Variants in FRMPD2 observed in about 807,000 individuals in gnomAD.
FRMPD2 encodes FERM and PDZ domain-containing protein 2.
A neutral mutation model predicts 140.1 loss-of-function variants in FRMPD2; 96 were observed. The ratio of observed to expected loss-of-function variants is 0.69; its 90% CI spans 0.58 to 0.81. FRMPD2 has a LOEUF of 0.81. Among genes scored for constraint, FRMPD2 ranks in the 40% least tolerant of loss-of-function variants. The pLI is 0.00. For missense variants in FRMPD2, 1,240 were observed against 1,447.4 expected, an observed-to-expected ratio of 0.86 and a Z score of 2.32; for synonymous variants, 449 against 547.6, an observed-to-expected ratio of 0.82 and a Z score of 2.52.
In FRMPD2 at chr10:48,184,979, T is replaced by C. The variant is rs1838644285; in HGVS notation, c.2360-98A>G. 18 of 775,774 alleles carry C rather than the reference T, an allele frequency of 2.3e-5. No individual in the cohort carries two copies. In the South Asian group the frequency reaches 3.1e-4, roughly 13 times the overall value. 48.1% of individuals were successfully genotyped at this position (775,774 alleles called of 1,614,324 possible). A position where few individuals can be genotyped will look rare whatever the true frequency, so the allele number is the denominator to read the frequency against. On this transcript the variant is annotated intron_variant, in intron 18 of 28. Transcript: ENST00000374201. The stretch of plus-strand genomic sequence containing the variant: ...TCCCTCATATCACACAGCTACCAAG[T>C]GGCATTAGCTGATAGTTACAGTCAG...
Position 48,185,564 on chromosome 10 carries a change from T to C in FRMPD2, c.2348A>G (p.His783Arg), listed in dbSNP as rs1838661633. 1.2e-6 allele frequency: 2 copies of C among 1,613,676 alleles called. No homozygotes were observed. Among genetic ancestry groups the C allele is most frequent in the Non-Finnish European group, 8.5e-7 (1 of 1,179,586 alleles). Residue 783 changes from histidine to arginine, a missense_variant, in exon 18 of 29, where the codon CAT becomes CGT. Transcript: ENST00000374201. The part of the protein sequence containing the change: ...IVRVTLKRDP[H>R]RGFGFVINEG... Reference sequence around the variant, plus strand: ...GGGAGCCCTCTTACCAAAACCACGATGTGGGTCACGTTTCAGTGTCACACG... The same window carrying C: ...GGGAGCCCTCTTACCAAAACCACGACGTGGGTCACGTTTCAGTGTCACACG...
rs868213332 is a variant in FRMPD2 at position 48,221,879 on chromosome 10, T to A, written c.1455+434A>T. Among the ~76,000 whole-genome samples the A allele has an allele frequency of 1.4e-4, 21 of 151,866 alleles. No homozygotes were observed. In the South Asian group the frequency reaches 2.7e-3, roughly 20 times the overall value. ...ATGGATAGGTAGATGGATGGGTGGATGGATGGGTAGATGGGTGGGTGAGTG... is the reference window on the plus strand; with the variant it reads ...ATGGATAGGTAGATGGATGGGTGGAAGGATGGGTAGATGGGTGGGTGAGTG... On this transcript the variant is annotated intron_variant, in intron 12 of 28. Coordinates refer to ENST00000374201, the MANE Select transcript of FRMPD2 (RefSeq NM_001018071.4).
chr10:48,253,758 A>G (rs1038318773), intron 1 of FRMPD2, among the ~76,000 whole-genome samples: 7 of 152,306 alleles, frequency 4.6e-5, no homozygotes, highest in South Asian at 4.2e-4. Flanking sequence ...AATCCACATG[A>G]AGAAATGGGA....
chr10:48,211,727 CCA>C (rs1839327212), intron 13 of FRMPD2, among the ~76,000 whole-genome samples: 1 of 152,080 alleles, frequency 6.6e-6, no homozygotes, highest in Non-Finnish European at 1.5e-5. Context: ...AAAAGCCCTA[CCA>C]CACCCACCCC....
chr10:48,263,684 C>G (rs1306578200), intron 1 of FRMPD2, among the ~76,000 whole-genome samples: 1 of 151,862 alleles, frequency 6.6e-6, no homozygotes, highest in Non-Finnish European at 1.5e-5. Flanking sequence ...AGCACCAGGC[C>G]CAAAGGATTT....
intron 27 of FRMPD2, among the ~76,000 whole-genome samples, chr10:48,167,717 T>C (rs1838133523): frequency 6.6e-6 from 1 of 151,904 alleles, no homozygotes. Flanking sequence ...TAGGCCATGG[T>C]ACACAGATAG....
At chr10:48,267,503 C>A (rs1375497140) in intron 1 of FRMPD2, among the ~76,000 whole-genome samples, 1 of 152,044 alleles carries the variant, frequency 6.6e-6, no homozygotes, top group African/African-American at 2.4e-5. Context: ...TATCAAAGGG[C>A]ATTATCAAGA....
At chr10:48,173,157 A>C in intron 24 of FRMPD2, 64 bp from the exon 25 acceptor site, 2 of 622,294 alleles carry the variant, frequency 3.2e-6, no homozygotes, top group South Asian at 3.3e-5. Context: ...CACTCCCTTG[A>C]CTCTGCAAAT....
chr10:48,247,813 G>T (rs183456953), intron 3 of FRMPD2, among the ~76,000 whole-genome samples: 63 of 152,284 alleles, frequency 4.1e-4, no homozygotes, highest in Non-Finnish European at 7.9e-4. Flanking sequence ...GGAGCCAAGA[G>T]TCCCAAACAG....
intron 2 of FRMPD2, 118 bp downstream of exon 2, chr10:48,251,448 C>A: frequency 7.8e-7 from 1 of 1,275,700 alleles, no homozygotes; most frequent in East Asian, 2.4e-5. Flanking sequence ...GCAGCAGCAA[C>A]CTTGTTCTGT....
At chr10:48,160,262 A>G (rs1290483755) in intron 28 of FRMPD2, among the ~76,000 whole-genome samples, 2 of 151,690 alleles carry the variant, frequency 1.3e-5, no homozygotes, top group Non-Finnish European at 2.9e-5. Flanking sequence ...ATCTCTAGAT[A>G]TAGAGTGTGA....
intron 10 of FRMPD2, among the ~76,000 whole-genome samples, chr10:48,225,032 T>G (rs1839691840): frequency 6.6e-6 from 1 of 152,152 alleles, no homozygotes; most frequent in East Asian, 1.9e-4. Flanking sequence ...GTACAAAGAA[T>G]AATCATACAA....
chr10:48,212,147 A>C, intron 12 of FRMPD2, 38 bp from the exon 13 acceptor site: 1 of 1,605,044 alleles, frequency 6.2e-7, no homozygotes, highest in Non-Finnish European at 8.5e-7. Flanking sequence ...CACAATCCAG[A>C]CACTGGCCGG....
intron 1 of FRMPD2, among the ~76,000 whole-genome samples, chr10:48,260,079 A>C (rs1473644116): frequency 6.6e-6 from 1 of 152,158 alleles, no homozygotes; most frequent in Admixed American, 6.5e-5. Flanking sequence ...GTGTAAAAGG[A>C]CACCAGAAGG....
intron 14 of FRMPD2, 135 bp downstream of exon 14, chr10:48,206,613 G>A (rs1839204620): frequency 1.4e-6 from 1 of 697,964 alleles, no homozygotes. Flanking sequence ...CAGAATGCAG[G>A]TTAACAAACA....
chr10:48,236,607 G>T, intron 8 of FRMPD2, 54 bp from the exon 9 acceptor site: 1 of 1,551,086 alleles, frequency 6.4e-7, no homozygotes, highest in Non-Finnish European at 8.9e-7. Context: ...CAGGCTTTGG[G>T]TCTGGGCTTC....
chr10:48,205,676 A>G (rs1178184332), intron 14 of FRMPD2, among the ~76,000 whole-genome samples: 2 of 152,192 alleles, frequency 1.3e-5, no homozygotes, highest in African/African-American at 4.8e-5. Flanking sequence ...GAGTTTGGTC[A>G]AAATAATTTG....
At chr10:48,174,687 C>T (rs1367306000) in intron 24 of FRMPD2, among the ~76,000 whole-genome samples, 183 bp downstream of exon 24, 1 of 151,322 alleles carries the variant, frequency 6.6e-6, no homozygotes, top group Non-Finnish European at 1.5e-5. Flanking sequence ...TCTGCTATCT[C>T]CTGGGTTTCA....
chr10:48,193,944 C>T lies in FRMPD2; in HGVS notation c.1955-1050G>A, dbSNP rs115896583. Among the ~76,000 whole-genome samples the T allele has an allele frequency of 5.5e-3, 845 of 152,302 alleles. 5 individuals are homozygous for T. Among genetic ancestry groups the T allele is most frequent in the African/African-American group, 0.018 (761 of 41,570 alleles). On this transcript the variant is annotated intron_variant, in intron 15 of 28. Coordinates refer to ENST00000374201, the MANE Select transcript of FRMPD2 (RefSeq NM_001018071.4). ...AAACTTTTTGAGAATTTTCTGCATG[C>T]ATGAGGCACTATGGTACCATCACTC...
Sources: gnomAD v4.1 joint callset for allele counts (sites outside exome capture counted in the v4.1 genomes callset) on GRCh38, gnomAD v4.1.1 for gene constraint, MANE v1.5 for transcripts, NCBI Gene and HGNC (gene_info 2026-07-23, HGNC 2026-07-21) for gene names.